CC2D2A: variants seen among roughly 807,000 people sequenced by gnomAD.
CC2D2A encodes the protein coiled-coil and C2 domain containing 2A.
In CC2D2A, 155 loss-of-function variants were observed where a neutral mutation model predicts 212.9. That is an observed-to-expected ratio of 0.73 (90% CI 0.64 to 0.83). The LOEUF is 0.83. CC2D2A is among the 40% of genes least tolerant of loss of function. CC2D2A has a pLI of 0.00. For synonymous variants in CC2D2A, 667 were observed against 686.5 expected (o/e 0.97, Z 0.44); for missense variants, 1,856 against 1,956.2 (o/e 0.95, Z 0.97).
At chr4:15,518,415 T>A (rs1413492586) in intron 11 of CC2D2A, among the ~76,000 whole-genome samples, 1 of 152,190 alleles carries the variant, frequency 6.6e-6, no homozygotes, top group Non-Finnish European at 1.5e-5. Flanking sequence ...CCTGGCTGCT[T>A]TCATGAGCTG....
At chr4:15,511,477 G>GC in intron 8 of CC2D2A, 54 bp downstream of exon 8, 1 of 1,420,516 alleles carries the variant, frequency 7.0e-7, no homozygotes, top group Non-Finnish European at 9.2e-7. Flanking sequence ...GGAGGAAAAA[G>GC]CTGATGTCCC....
intron 1 of CC2D2A, among the ~76,000 whole-genome samples, chr4:15,474,641 C>T (rs1296681189): frequency 6.6e-6 from 1 of 151,972 alleles, no homozygotes; most frequent in African/African-American, 2.4e-5. Flanking sequence ...GGATAGACAC[C>T]CAATTTTCTG....
chr4:15,490,914 G>A (rs149906754), intron 4 of CC2D2A, among the ~76,000 whole-genome samples: 4 of 152,080 alleles, frequency 2.6e-5, no homozygotes, highest in African/African-American at 7.2e-5. Context: ...CCCCAGTCAC[G>A]TACCCCTGCT....
chr4:15,540,087 T>C (rs1013032491), intron 16 of CC2D2A, among the ~76,000 whole-genome samples: 1 of 152,160 alleles, frequency 6.6e-6, no homozygotes, highest in African/African-American at 2.4e-5. Flanking sequence ...TTATGTTATA[T>C]ATATTTTCCA....
chr4:15,601,350 T>G lies in CC2D2A; in HGVS notation c.4788T>G (p.Ala1596=). The G allele has an allele frequency of 1.2e-6, 2 of 1,609,096 alleles. No individual in the cohort carries two copies. The highest frequency in any genetic ancestry group is 1.7e-6 in the Non-Finnish European group (2 of 1,177,128). Residue 1596 remains alanine (A), a synonymous_variant, in exon 37 of 37, where the codon GCT becomes GCG. Transcript: ENST00000424120. ...TTCCTAATGTTGAATTTGCTTTAGC[T>G]GTATACATACACCCATACCCCAAAA... is the stretch of plus-strand genomic sequence containing the variant. The part of the protein sequence containing the change: ...IDVPNVEFAL[A]VYIHPYPKNV...
intron 23 of CC2D2A, among the ~76,000 whole-genome samples, chr4:15,561,758 C>A (rs1218690291): frequency 3.9e-5 from 6 of 152,092 alleles, no homozygotes. Context: ...GAAGCATTGA[C>A]AATGGAAGAG....
At chr4:15,470,596 C>G (rs1177786154) in intron 1 of CC2D2A, among the ~76,000 whole-genome samples, 1 of 149,202 alleles carries the variant, frequency 6.7e-6, no homozygotes, top group Non-Finnish European at 1.5e-5. Flanking sequence ...AATATGTTTG[C>G]TACTGCATTT....
rs1005135811 is a variant in CC2D2A at position 15,539,536 on chromosome 4, T to C, written c.2004-1301T>C. On this transcript the variant is annotated intron_variant, in intron 16 of 36. Coordinates refer to ENST00000424120, the MANE Select transcript of CC2D2A (RefSeq NM_001378615.1). ...AGTCTTGGTTTCAAACTTCTGCTAA[T>C]GTTCTAATGATTGATTTATTCTAAT... 7.2e-5 allele frequency among the ~76,000 whole-genome samples: 11 copies of C among 152,388 alleles called. No individual in the cohort carries two copies. The East Asian group carries it at 1.9e-3, about 27-fold the overall frequency.
At chr4:15,490,987 T>C (rs753461440) in intron 4 of CC2D2A, among the ~76,000 whole-genome samples, 1 of 152,106 alleles carries the variant, frequency 6.6e-6, no homozygotes, top group African/African-American at 2.4e-5. Context: ...TTAAAAGGGA[T>C]AGGAATTGCT....
chr4:15,540,914 C>G lies in CC2D2A; in HGVS notation c.2081C>G (p.Ser694Cys). The change falls in exon 17 of 37, where the codon TCC (serine) becomes TGC (cysteine). Residue 694 changes from serine (S) to cysteine (C), a missense_variant. Coordinates refer to ENST00000424120, the MANE Select transcript of CC2D2A (RefSeq NM_001378615.1). ...LKVLFNNKEV[S>C]RTVSRPLGAD... is the part of the protein sequence containing the mutation. ...GTGCTGTTCAACAACAAGGAGGTGT[C>G]CAGGACAGTCAGTCGGCCACTAGGA... 1 of 1,584,038 alleles carries G rather than the reference C, an allele frequency of 6.3e-7. No homozygotes were observed. The highest frequency in any genetic ancestry group is 1.7e-4 in the Middle Eastern group (1 of 6,034).
rs150985585 is a variant in CC2D2A at position 15,566,052 on chromosome 4, T to C, written c.3183-1325T>C. On this transcript the variant is annotated intron_variant, in intron 24 of 36. Transcript: ENST00000424120. ...GGTGATAGTCTATAGAAAGAGACTA[T>C]TTGTATTTTGCCCAGTGATGAATGT... 2.3e-3 allele frequency among the ~76,000 whole-genome samples: 357 copies of C among 152,364 alleles called. 3 individuals carry two copies. Among genetic ancestry groups the C allele is most frequent in the Non-Finnish European group, 1.3e-3 (91 of 68,034 alleles).
At chr4:15,511,446 T>C (rs542085311) in intron 8 of CC2D2A, 23 bp downstream of exon 8, 1 of 1,504,426 alleles carries the variant, frequency 6.6e-7, no homozygotes, top group African/African-American at 1.4e-5. Flanking sequence ...AGGATGGTAA[T>C]GAGGTGTGGG....
At position 15,553,167 on chromosome 4, in the gene CC2D2A, T is replaced by A. The variant is rs374294064; in HGVS notation, c.2348T>A (p.Phe783Tyr). 2 of 1,601,064 alleles carry A rather than the reference T, an allele frequency of 1.2e-6. No individual in the cohort carries two copies. The highest frequency in any genetic ancestry group is 2.7e-5 in the African/African-American group (2 of 74,202). ...TCTGGTGTTTCCCCAGGAGTGCCCT[T>A]CTCATTTGAAGCTGATGGCAGTAAC... Reference protein sequence around the residue: ...DHEGVGSGVPFSFEADGSNQL... With the variant: ...DHEGVGSGVPYSFEADGSNQL... The change falls in exon 19 of 37, where the codon TTC becomes TAC. Residue 783 changes from phenylalanine to tyrosine, a missense_variant. Physicochemically the swap from Phe to Tyr is conservative, Grantham distance 22. This residue lies in a region of CC2D2A where 1,512 missense variants were observed against 1,579.3 expected (regional missense o/e 0.96). Transcript: ENST00000424120.
At chr4:15,504,541 A>G (rs1716148227) in intron 6 of CC2D2A, among the ~76,000 whole-genome samples, 1 of 152,092 alleles carries the variant, frequency 6.6e-6, no homozygotes, top group Non-Finnish European at 1.5e-5. Flanking sequence ...ACTGAAAATC[A>G]TTTCACAGCA....
intron 4 of CC2D2A, among the ~76,000 whole-genome samples, chr4:15,489,037 T>C (rs1412678539): frequency 6.6e-6 from 1 of 152,240 alleles, no homozygotes; most frequent in Non-Finnish European, 1.5e-5. Context: ...GGAGTAACTA[T>C]CACACATTAA....
chr4:15,525,607 G>A (rs1250517533), intron 11 of CC2D2A, among the ~76,000 whole-genome samples: 1 of 152,138 alleles, frequency 6.6e-6, no homozygotes, highest in Non-Finnish European at 1.5e-5. Context: ...GCCACCCAGG[G>A]CTTTCATAAG....
In CC2D2A at chr4:15,516,645, T is replaced by C. The variant is rs377679382; in HGVS notation, c.1038T>C (p.Asp346=). The C allele has an allele frequency of 5.0e-6, 8 of 1,612,818 alleles. No homozygotes were observed. In the African/African-American group the frequency reaches 1.1e-4, roughly 22 times the overall value. ...MQDPERRWFG[D]DGRILALPNP... is the part of the protein sequence containing the mutation. ...TACAGGAAAGAAGATGGTTTGGAGA[T>C]GACGGCAGGATCCTAGCTCTGCCAA... Residue 346 remains aspartate (D), a synonymous_variant, in exon 11 of 37, where the codon GAT becomes GAC. Transcript: ENST00000424120.
At chr4:15,490,890 C>G (rs1404530253) in intron 4 of CC2D2A, among the ~76,000 whole-genome samples, 1 of 152,080 alleles carries the variant, frequency 6.6e-6, no homozygotes, top group Non-Finnish European at 1.5e-5. Flanking sequence ...GTTCTAATTA[C>G]TGGTGCATGC....
At chr4:15,528,084 T>C (rs1717608732) in intron 12 of CC2D2A, among the ~76,000 whole-genome samples, 1 of 152,246 alleles carries the variant, frequency 6.6e-6, no homozygotes, top group South Asian at 2.1e-4. Flanking sequence ...CTCAAAGGAA[T>C]GGCTAAGCAT....
Sources: allele counts gnomAD v4.1 joint callset (sites outside exome capture counted in the v4.1 genomes callset), GRCh38; gene constraint gnomAD v4.1.1; regional missense constraint gnomAD v4.1.1; transcripts MANE v1.5; gene names NCBI Gene and HGNC (gene_info 2026-07-23, HGNC 2026-07-21).